The following VOPP1 variants were observed in gnomAD, a reference collection of about 807,000 sequenced individuals.
The protein encoded by VOPP1 is VOPP1 WW domain binding protein.
Under a neutral mutation model 23.5 loss-of-function variants are expected in VOPP1, and 8 were observed. The ratio of observed to expected loss-of-function variants is 0.34; its 90% CI spans 0.20 to 0.61. The LOEUF is 0.61. VOPP1 is among the 20% of genes least tolerant of loss of function. The pLI, the probability that VOPP1 is intolerant of heterozygous loss-of-function variation, is 0.78. For missense variants in VOPP1, 174 were observed against 238.1 expected (o/e 0.73, Z 1.77); for synonymous variants, 83 against 97.3 (o/e 0.85, Z 0.86).
intron 4 of VOPP1, among the ~76,000 whole-genome samples, chr7:55,440,795 A>G (rs1365897676): frequency 6.6e-6 from 1 of 152,176 alleles, no homozygotes; most frequent in Non-Finnish European, 1.5e-5. Flanking sequence ...GATGTATTTA[A>G]GCCCATGAGG....
intron 4 of VOPP1, among the ~76,000 whole-genome samples, chr7:55,473,380 C>T (rs1791989511): frequency 6.6e-6 from 1 of 152,192 alleles, no homozygotes; most frequent in South Asian, 2.1e-4. Context: ...CGCGACTCAG[C>T]CTGGCATTAT....
intron 4 of VOPP1, among the ~76,000 whole-genome samples, chr7:55,450,038 C>A (rs1342492151): frequency 6.6e-6 from 1 of 152,240 alleles, no homozygotes; most frequent in Admixed American, 6.5e-5. Flanking sequence ...TCTTACATTT[C>A]TGTGCACCCA....
rs538113206 is a variant in VOPP1, at chr7:55,516,584, G to A, written c.113+4488C>T. On this transcript the variant is annotated intron_variant, in intron 2 of 4. Transcript: ENST00000285279. ...GGGACAGGCAGAGTAGGGAGAAGGC[G>A]GCTGCCACCTGGGATTTCCGGTGAG... Among the ~76,000 whole-genome samples, 10 of 152,278 alleles carry A rather than the reference G, an allele frequency of 6.6e-5. No individual in the cohort carries two copies. In the South Asian group the frequency reaches 1.5e-3, roughly 22 times the overall value.
intron 1 of VOPP1, among the ~76,000 whole-genome samples, chr7:55,562,512 G>A (rs921395064): frequency 6.6e-6 from 1 of 152,208 alleles, no homozygotes; most frequent in East Asian, 1.9e-4. Flanking sequence ...CAAGACTATT[G>A]CAATAGGGGT....
At chr7:55,435,496 C>T (rs1790800535), downstream of VOPP1, among the ~76,000 whole-genome samples, 1 of 152,184 alleles carries the variant, frequency 6.6e-6, no homozygotes, top group Non-Finnish European at 1.5e-5. Flanking sequence ...TGACCAAGTC[C>T]CTGGTGCCTG....
intron 1 of VOPP1, chr7:55,552,696 G>C (rs1007818125): frequency 6.5e-7 from 1 of 1,535,974 alleles, no homozygotes; most frequent in South Asian, 1.2e-5. Flanking sequence ...TCAGGTCCTG[G>C]AGCCCCAGCC....
chr7:55,538,153 G>A (rs915141276), intron 1 of VOPP1, among the ~76,000 whole-genome samples: 1 of 152,180 alleles, frequency 6.6e-6, no homozygotes, highest in Admixed American at 6.5e-5. Context: ...TCTAGAGACC[G>A]CTCTCATTGC....
At chr7:55,455,458 A>G (rs1554392535) in intron 4 of VOPP1, among the ~76,000 whole-genome samples, 1 of 152,204 alleles carries the variant, frequency 6.6e-6, no homozygotes, top group Non-Finnish European at 1.5e-5. Flanking sequence ...ACTACTTTCA[A>G]TTTCATATGG....
At chr7:55,458,298 A>C (rs1448130792) in intron 4 of VOPP1, among the ~76,000 whole-genome samples, 4 of 152,000 alleles carry the variant, frequency 2.6e-5, no homozygotes. Context: ...TGTTTATATC[A>C]ATACTATGCT....
chr7:55,475,917 C>T (rs994318365), intron 4 of VOPP1, among the ~76,000 whole-genome samples: 7 of 152,198 alleles, frequency 4.6e-5, no homozygotes, highest in African/African-American at 1.7e-4. Context: ...GAGTGAGTGC[C>T]TCACCAAGGT....
At chr7:55,493,280 C>A (rs1315782119) in intron 3 of VOPP1, 1 of 152,182 alleles carries the variant, frequency 6.6e-6, no homozygotes, top group South Asian at 2.1e-4. Context: ...CAAACTCTTG[C>A]CCATCTCTGA....
intron 1 of VOPP1, among the ~76,000 whole-genome samples, chr7:55,546,518 CA>C (rs1797374341): frequency 2.0e-5 from 3 of 152,298 alleles, no homozygotes; most frequent in Middle Eastern, 3.4e-3. Flanking sequence ...TAATTAATAG[CA>C]ATATACCAAT....
At chr7:55,524,446 G>A (rs913532629) in intron 1 of VOPP1, among the ~76,000 whole-genome samples, 3 of 152,168 alleles carry the variant, frequency 2.0e-5, no homozygotes, top group Non-Finnish European at 4.4e-5. Flanking sequence ...CCTGGAAACT[G>A]CTTCACTGTT....
chr7:55,562,947 G>A (rs1798038351), intron 1 of VOPP1, among the ~76,000 whole-genome samples: 2 of 152,082 alleles, frequency 1.3e-5, no homozygotes, highest in African/African-American at 4.8e-5. Context: ...CACATCACTC[G>A]GAAGTTCAAC....
intron 1 of VOPP1, among the ~76,000 whole-genome samples, chr7:55,553,656 CA>C (rs538388938): frequency 0.011 from 1,677 of 151,816 alleles, 11 homozygotes; most frequent in Middle Eastern, 0.02. Flanking sequence ...CCCTACCACA[CA>C]AACACCACGA....
chr7:55,492,510 G>A, intron 3 of VOPP1, 92 bp from the exon 4 acceptor site: 1 of 1,404,946 alleles, frequency 7.1e-7, no homozygotes. Context: ...ACTCCTCGGG[G>A]GTCCGGGACC....
chr7:55,559,125 C>T (rs1361578194), intron 1 of VOPP1, among the ~76,000 whole-genome samples: 1 of 152,116 alleles, frequency 6.6e-6, no homozygotes, highest in African/African-American at 2.4e-5. Flanking sequence ...CCTCTGATGG[C>T]TTCAATGGGA....
intron 1 of VOPP1, among the ~76,000 whole-genome samples, chr7:55,564,243 G>GTCTCTCTCTCTCTCTCTCTC (rs71561947): frequency 0.063 from 7,914 of 125,730 alleles, 447 homozygotes; most frequent in Non-Finnish European, 0.072. Flanking sequence ...CTCTGTCTCT[G>GTCTCTCTCTCTCTCTCTCTC]TCTCTCTCTC....
At chr7:55,542,533 T>A (rs1378896197) in intron 1 of VOPP1, among the ~76,000 whole-genome samples, 1 of 152,202 alleles carries the variant, frequency 6.6e-6, no homozygotes, top group Non-Finnish European at 1.5e-5. Context: ...CTCATGCCTG[T>A]GATCCCAGCA....
Sources: gnomAD v4.1 joint callset for allele counts (sites outside exome capture counted in the v4.1 genomes callset) on GRCh38, gnomAD v4.1.1 for gene constraint, MANE v1.5 for transcripts, NCBI Gene and HGNC (gene_info 2026-07-23, HGNC 2026-07-21) for gene names.